The following KIF26B variants were observed in gnomAD, a reference collection of about 807,000 sequenced individuals.
The protein encoded by KIF26B is kinesin family member 26B.
A neutral mutation model predicts 151.2 loss-of-function variants in KIF26B; 63 were observed. The observed-to-expected ratio is 0.42, with a 90% CI of 0.34 to 0.51. KIF26B has a LOEUF of 0.51. Ranked by LOEUF, KIF26B falls within the 20% of genes least tolerant of loss-of-function variation. The probability of loss-of-function intolerance (pLI) is 0.07; values close to 1 mark genes in which losing one functional copy is unlikely to be tolerated. For synonymous variants in KIF26B, 1,357 were observed against 1,262.1 expected (o/e 1.08, Z -1.59); for missense variants, 2,813 against 2,913.6 (o/e 0.97, Z 0.79).
At chr1:245,485,281 G>A (rs1022276247) in intron 4 of KIF26B, among the ~76,000 whole-genome samples, 1 of 152,096 alleles carries the variant, frequency 6.6e-6, no homozygotes, top group East Asian at 1.9e-4. Flanking sequence ...TGTGGAACTT[G>A]ATAGTGGTGA....
chr1:245,705,379 GTC>G lies in KIF26B; in HGVS notation c.*2777_*2778del, dbSNP rs1291062185. The G allele has an allele frequency of 1.3e-5, 2 of 152,002 alleles. No homozygotes were observed. Among genetic ancestry groups the G allele is most frequent in the African/African-American group, 4.8e-5 (2 of 41,366 alleles). 9.4% of individuals were successfully genotyped at this position (152,002 alleles called of 1,614,324 possible). ...TTTACGTTATGATGTGCTTGTTCCT[GTC>G]TCTGCCTATAAATTGACTGTATTGA... On this transcript the variant is annotated 3_prime_UTR_variant, in exon 15 of 15. Coordinates refer to ENST00000407071, the MANE Select transcript of KIF26B (RefSeq NM_018012.4).
chr1:245,632,662 C>G (rs2043793305), intron 9 of KIF26B, among the ~76,000 whole-genome samples: 1 of 152,196 alleles, frequency 6.6e-6, no homozygotes, highest in Non-Finnish European at 1.5e-5. Context: ...AATCCCAGCA[C>G]TTTGGAAGGC....
intron 2 of KIF26B, among the ~76,000 whole-genome samples, chr1:245,188,157 G>A (rs185755700): frequency 6.6e-6 from 1 of 151,904 alleles, no homozygotes; most frequent in East Asian, 2.0e-4. Flanking sequence ...GCACACGCTT[G>A]TAATCCCAGC....
At chr1:245,482,422 G>A (rs1200473536) in intron 4 of KIF26B, among the ~76,000 whole-genome samples, 1 of 151,786 alleles carries the variant, frequency 6.6e-6, no homozygotes, top group Admixed American at 6.6e-5. Context: ...CTTCCAATGA[G>A]TAATCCTTTA....
At position 245,494,198 on chromosome 1, in the gene KIF26B, C is replaced by T. The variant is rs548695991; in HGVS notation, c.1167-46569C>T. On this transcript the variant is annotated intron_variant, in intron 4 of 14. Coordinates refer to ENST00000407071, the MANE Select transcript of KIF26B (RefSeq NM_018012.4). ...GTGGGAGCCTGTAATCCCAGATACT[C>T]GGGAGACTGAGGCAGGAGAATCACT... Among the ~76,000 whole-genome samples the T allele has an allele frequency of 9.2e-5, 14 of 152,184 alleles. No homozygotes were observed. The East Asian group carries it at 1.7e-3, about 19-fold the overall frequency.
intron 10 of KIF26B, among the ~76,000 whole-genome samples, chr1:245,679,596 G>A (rs10458422): frequency 6.6e-6 from 1 of 151,128 alleles, no homozygotes; most frequent in Non-Finnish European, 1.5e-5. Context: ...GGCCTCCTGA[G>A]AAGCTGGGAT....
Position 245,612,087 on chromosome 1 carries a change from TGTGTGTGTGTGTGTGTGTGAGA to T in KIF26B, c.2098+113_2098+134del. 7 of 737,462 alleles carry T rather than the reference TGTGTGTGTGTGTGTGTGTGAGA, an allele frequency of 9.5e-6. No homozygotes were observed. In the South Asian group the frequency reaches 1.1e-4, roughly 12 times the overall value. 45.7% of individuals were successfully genotyped at this position (737,462 alleles called of 1,614,324 possible). A position where few individuals can be genotyped will look rare whatever the true frequency, so the allele number is the denominator to read the frequency against. ...GTGTGTGTGTGTGTGTGTGTGTGTG[TGTGTGTGTGTGTGTGTGTGAGA>T]GAGAGAGAGAGAGAGAGAGAGACAG... On this transcript the variant is annotated intron_variant, in intron 9 of 14. Coordinates refer to ENST00000407071, the MANE Select transcript of KIF26B (RefSeq NM_018012.4).
chr1:245,673,353 C>G (rs746340861), intron 10 of KIF26B, among the ~76,000 whole-genome samples: 221 of 115,846 alleles, frequency 1.9e-3, no homozygotes, highest in Middle Eastern at 9.3e-3. Context: ...CCGCTGCGCG[C>G]TGCCATCTTA....
At chr1:245,559,436 G>A (rs531386490) in intron 5 of KIF26B, among the ~76,000 whole-genome samples, 14 of 152,138 alleles carry the variant, frequency 9.2e-5, no homozygotes, top group African/African-American at 2.4e-4. Context: ...TTGTCGAGAC[G>A]GAGTCTTGCT....
At chr1:245,670,586 T>C (rs1234402402) in intron 10 of KIF26B, among the ~76,000 whole-genome samples, 1 of 151,888 alleles carries the variant, frequency 6.6e-6, no homozygotes, top group Non-Finnish European at 1.5e-5. Flanking sequence ...CCAATGCTCA[T>C]AGTAGCATTA....
chr1:245,173,805 G>C (rs1668756525), intron 2 of KIF26B, among the ~76,000 whole-genome samples: 1 of 152,226 alleles, frequency 6.6e-6, no homozygotes, highest in African/African-American at 2.4e-5. Flanking sequence ...TCTGAGAATA[G>C]GGCTGGCCCT....
chr1:245,294,965 G>T (rs185863485), intron 2 of KIF26B, among the ~76,000 whole-genome samples: 186 of 152,174 alleles, frequency 1.2e-3, no homozygotes, highest in African/African-American at 4.2e-3. Context: ...GCCCGGCTGG[G>T]TTCTTGAGGG....
chr1:245,581,010 T>C (rs1017520478), intron 5 of KIF26B, among the ~76,000 whole-genome samples: 2 of 152,244 alleles, frequency 1.3e-5, no homozygotes, highest in African/African-American at 2.4e-5. Context: ...TCCATTAATT[T>C]CTCTCTGCAT....
At chr1:245,591,953 T>G (rs1211801750) in intron 5 of KIF26B, among the ~76,000 whole-genome samples, 1 of 152,100 alleles carries the variant, frequency 6.6e-6, no homozygotes, top group African/African-American at 2.4e-5. Flanking sequence ...TGGTTTCAAC[T>G]CCCTCCCTCC....
intron 10 of KIF26B, among the ~76,000 whole-genome samples, chr1:245,655,315 A>C (rs73139697): frequency 0.038 from 5,779 of 152,328 alleles, 377 homozygotes; most frequent in African/African-American, 0.13. Context: ...TCAAAGGCAG[A>C]AAGGTCACTG....
At chr1:245,486,286 C>T (rs1053127638) in intron 4 of KIF26B, among the ~76,000 whole-genome samples, 6 of 151,778 alleles carry the variant, frequency 4.0e-5, no homozygotes, top group South Asian at 2.1e-4. Context: ...TTACGAGGGT[C>T]GTATTTGGAG....
In KIF26B at chr1:245,488,641, C is replaced by T. The variant is rs1371221131; in HGVS notation, c.1167-52126C>T. Among the ~76,000 whole-genome samples the T allele has an allele frequency of 6.6e-6, 1 of 152,180 alleles. No individual in the cohort carries two copies. Among genetic ancestry groups the T allele is most frequent in the Admixed American group, 6.5e-5 (1 of 15,278 alleles). On this transcript the variant is annotated intron_variant, in intron 4 of 14. Coordinates refer to ENST00000407071, the MANE Select transcript of KIF26B (RefSeq NM_018012.4). The surrounding 1 kb of genome is among the most constrained non-coding windows in gnomAD (Gnocchi z 4.6). ...ACTCCTCTGCCGTGGCCCCATCCTCCTCTGTCTGGCTTTTGATGAACTGAA... is the reference window on the plus strand; with the variant it reads ...ACTCCTCTGCCGTGGCCCCATCCTCTTCTGTCTGGCTTTTGATGAACTGAA...
chr1:245,668,855 A>C (rs1350122527), intron 10 of KIF26B, among the ~76,000 whole-genome samples: 1 of 151,990 alleles, frequency 6.6e-6, no homozygotes, highest in African/African-American at 2.4e-5. Context: ...ATGCCTGGCT[A>C]ATTTTTTGTA....
chr1:245,337,553 TGTGC>T lies in KIF26B; in HGVS notation c.466-29280_466-29277del, dbSNP rs1391985477. Among the ~76,000 whole-genome samples, 5 of 142,688 alleles carry T rather than the reference TGTGC, an allele frequency of 3.5e-5. 1 individual carries two copies. The highest frequency in any genetic ancestry group is 2.9e-4 in the Admixed American group (4 of 13,826). 93.6% of individuals were successfully genotyped at this position (142,688 alleles called of 152,430 possible). On this transcript the variant is annotated intron_variant, in intron 2 of 14. Transcript: ENST00000407071. ...GTGTGTGTGTGTGTGTGTGTGTGTG[TGTGC>T]ACCCGTGTATGAGTATATGTGTTTT...
Sources: allele counts gnomAD v4.1 joint callset (sites outside exome capture counted in the v4.1 genomes callset), GRCh38; gene constraint gnomAD v4.1.1; non-coding constraint Gnocchi (gnomAD v3.1); transcripts MANE v1.5; gene names NCBI Gene and HGNC (gene_info 2026-07-23, HGNC 2026-07-21).